The following CC2D2A variants were observed in gnomAD, a reference collection of about 807,000 sequenced individuals.
The protein encoded by CC2D2A is coiled-coil and C2 domain containing 2A, also known as coiled-coil and C2 domain-containing protein 2A.
In CC2D2A, 155 loss-of-function variants were observed where a neutral mutation model predicts 212.9. The observed-to-expected ratio is 0.73, with a 90% CI of 0.64 to 0.83. CC2D2A has a LOEUF of 0.83. Among genes scored for constraint, CC2D2A ranks in the 40% least tolerant of loss-of-function variants. The pLI is 0.00. For missense variants in CC2D2A, 1,856 were observed against 1,956.2 expected, an observed-to-expected ratio of 0.95 and a Z score of 0.97; for synonymous variants, 667 against 686.5, an observed-to-expected ratio of 0.97 and a Z score of 0.44.
chr4:15,595,384 C>T (rs1721274725), intron 33 of CC2D2A, among the ~76,000 whole-genome samples: 1 of 152,198 alleles, frequency 6.6e-6, no homozygotes, highest in African/African-American at 2.4e-5. Flanking sequence ...CACGAATAGA[C>T]AGGCAATTAT....
intron 4 of CC2D2A, among the ~76,000 whole-genome samples, chr4:15,485,520 G>T (rs965468857): frequency 3.3e-5 from 5 of 152,120 alleles, no homozygotes; most frequent in African/African-American, 1.2e-4. Context: ...GGATCATAGG[G>T]TAGTTCTATT....
At chr4:15,471,742 T>C (rs1371972356) in intron 1 of CC2D2A, among the ~76,000 whole-genome samples, 1 of 152,022 alleles carries the variant, frequency 6.6e-6, no homozygotes, top group Non-Finnish European at 1.5e-5. Context: ...CAAAGAAATA[T>C]GTGGACCACT....
chr4:15,567,595 T>G, intron 25 of CC2D2A, 82 bp from the exon 26 acceptor site: 1 of 1,293,914 alleles, frequency 7.7e-7, no homozygotes, highest in Non-Finnish European at 1.1e-6. Context: ...AACATACTAC[T>G]TAGTAAATAT....
chr4:15,493,727 G>C (rs943414920), intron 4 of CC2D2A, among the ~76,000 whole-genome samples: 3 of 152,152 alleles, frequency 2.0e-5, no homozygotes. Flanking sequence ...TTCTCTATGG[G>C]GGTGGAGGCA....
chr4:15,551,390 CCTT>C (rs1339744878), intron 18 of CC2D2A, among the ~76,000 whole-genome samples: 1 of 152,170 alleles, frequency 6.6e-6, no homozygotes, highest in Non-Finnish European at 1.5e-5. Flanking sequence ...TCTCTCATCT[CCTT>C]CTATAATTCC....
At chr4:15,586,375 G>A (rs575259261) in intron 31 of CC2D2A, 129 bp downstream of exon 31, 107 of 524,498 alleles carry the variant, frequency 2.0e-4, no homozygotes, top group Non-Finnish European at 3.2e-4. Context: ...TTAGTAATAT[G>A]AGCTAAATTT....
chr4:15,584,829 A>C (rs774816432), intron 30 of CC2D2A, among the ~76,000 whole-genome samples: 9 of 152,222 alleles, frequency 5.9e-5, no homozygotes, highest in Non-Finnish European at 1.2e-4. Flanking sequence ...TTGATTTAAA[A>C]ATTAGCAAAA....
chr4:15,485,528 A>T (rs1305443657), intron 4 of CC2D2A, among the ~76,000 whole-genome samples: 1 of 152,110 alleles, frequency 6.6e-6, no homozygotes, highest in Non-Finnish European at 1.5e-5. Context: ...GGGTAGTTCT[A>T]TTTTTAGTTT....
At position 15,538,037 on chromosome 4, in the gene CC2D2A, AG is replaced by A; in HGVS notation, c.1906del (p.Glu636ArgfsTer19). 1.2e-6 allele frequency: 2 copies of A among 1,608,402 alleles called. No individual in the cohort carries two copies. The highest frequency in any genetic ancestry group is 1.7e-6 in the Non-Finnish European group (2 of 1,177,596). On this transcript the variant is annotated frameshift_variant, in exon 16 of 37. Coordinates refer to ENST00000424120, the MANE Select transcript of CC2D2A (RefSeq NM_001378615.1). LOFTEE classifies it high-confidence loss of function. ...TCGGGCAGTGATAGAGCAGGAGGTGAGGGAGAGAGCAGCCCAGAGCAGGAGG... is the reference window on the plus strand; with the variant it reads ...TCGGGCAGTGATAGAGCAGGAGGTGAGGAGAGAGCAGCCCAGAGCAGGAGG... ...TDRAVIEQEVRERAAQSRRRP... is the reference protein window; with the variant it reads ...TDRAVIEQEVXERAAQSRRRP...
chr4:15,515,275 A>G (rs1289388060), intron 9 of CC2D2A, among the ~76,000 whole-genome samples: 1 of 152,174 alleles, frequency 6.6e-6, no homozygotes. Flanking sequence ...CACTCCCACT[A>G]TGATTCAAGC....
chr4:15,596,713 C>G (rs1485041526), intron 34 of CC2D2A, among the ~76,000 whole-genome samples: 1 of 152,110 alleles, frequency 6.6e-6, no homozygotes, highest in Admixed American at 6.6e-5. Context: ...CCGGATCTAC[C>G]TTTCAGAAAA....
intron 29 of CC2D2A, among the ~76,000 whole-genome samples, chr4:15,577,444 A>AT (rs1226063967): frequency 6.6e-6 from 1 of 152,220 alleles, no homozygotes; most frequent in African/African-American, 2.4e-5. Flanking sequence ...TTGTTTCATC[A>AT]TAAGTGACCC....
chr4:15,583,633 G>A (rs981990662), intron 30 of CC2D2A, among the ~76,000 whole-genome samples: 1 of 152,110 alleles, frequency 6.6e-6, no homozygotes, highest in Non-Finnish European at 1.5e-5. Context: ...AACCAATGAG[G>A]TGAAAGATCT....
At chr4:15,510,094 TC>T (rs1343768472) in intron 6 of CC2D2A, 44 bp from the exon 7 acceptor site, 1 of 1,451,364 alleles carries the variant, frequency 6.9e-7, no homozygotes, top group Non-Finnish European at 9.6e-7. Context: ...AGCCTAAGTT[TC>T]TTGGGTTAAA....
Position 15,559,190 on chromosome 4 carries a change from GA to G in CC2D2A, c.2858del (p.Asn953MetfsTer2). 1 of 1,551,904 alleles carries G rather than the reference GA, an allele frequency of 6.4e-7. No homozygotes were observed. Among genetic ancestry groups the G allele is most frequent in the East Asian group, 2.4e-5 (1 of 41,128 alleles). On this transcript the variant is annotated frameshift_variant, in exon 22 of 37. Transcript: ENST00000424120. LOFTEE classifies it high-confidence loss of function. ...GACTATGAGAAACGGTTACGAGACA[GA>G]AATGTAATAGAAACCAAGGAACACA... ...FQDYEKRLRD[R>X]NVIETKEHID...
chr4:15,507,070 TC>T (rs1170445002), intron 6 of CC2D2A, among the ~76,000 whole-genome samples: 1 of 145,906 alleles, frequency 6.9e-6, no homozygotes, highest in East Asian at 2.0e-4. Context: ...AGAACGAGAC[TC>T]CATCTCAAAA....
intron 9 of CC2D2A, among the ~76,000 whole-genome samples, chr4:15,515,132 A>C (rs1450797256): frequency 6.6e-6 from 1 of 152,252 alleles, no homozygotes; most frequent in Non-Finnish European, 1.5e-5. Flanking sequence ...ACAGGGGCTT[A>C]GAGTTTATGA....
In CC2D2A at chr4:15,527,638, G is replaced by T; in HGVS notation, c.1341G>T (p.Ala447=). ...TTGCAAGACACCAGAGAAACAAGGC[G>T]AAATTTCTTACTGATAAGGTACATG... ...QYLARHQRNK[A]KFLTDKLQAL... is the part of the protein sequence containing the mutation. Residue 447 remains alanine (A), a synonymous_variant, in exon 12 of 37, where the codon GCG becomes GCT. Transcript: ENST00000424120. 1 of 1,607,838 alleles carries T rather than the reference G, an allele frequency of 6.2e-7. No individual in the cohort carries two copies. The highest frequency in any genetic ancestry group is 8.5e-7 in the Non-Finnish European group (1 of 1,176,760).
intron 4 of CC2D2A, among the ~76,000 whole-genome samples, chr4:15,484,445 C>T (rs1362964934): frequency 4.6e-5 from 7 of 152,096 alleles, no homozygotes; most frequent in South Asian, 4.2e-4. Context: ...CTGATATAAT[C>T]AGATTTAAGG....
Sources: allele counts gnomAD v4.1 joint callset (sites outside exome capture counted in the v4.1 genomes callset), GRCh38; gene constraint gnomAD v4.1.1; transcripts MANE v1.5; gene names NCBI Gene and HGNC (gene_info 2026-07-23, HGNC 2026-07-21).